ASS1: variants seen among roughly 807,000 people sequenced by gnomAD.
The protein encoded by ASS1 is argininosuccinate synthase 1.
Under a neutral mutation model 60.5 loss-of-function variants are expected in ASS1, and 58 were observed. That is an observed-to-expected ratio of 0.96 (90% CI 0.78 to 1.19). The LOEUF (loss-of-function observed/expected upper bound fraction) is 1.19. ASS1 is among the 50% of genes most tolerant of loss of function. The pLI is 0.00. For synonymous variants in ASS1, 200 were observed against 206.9 expected (o/e 0.97, Z 0.29); for missense variants, 454 against 547.3 (o/e 0.83, Z 1.70).
At chr9:130,467,182 C>G (rs772455968) in intron 6 of ASS1, among the ~76,000 whole-genome samples, 2 of 151,908 alleles carry the variant, frequency 1.3e-5, no homozygotes, top group East Asian at 3.9e-4. Flanking sequence ...GATGGCCGGC[C>G]GGGGGGATGT....
intron 6 of ASS1, among the ~76,000 whole-genome samples, chr9:130,469,600 T>G (rs1416757273): frequency 6.6e-6 from 1 of 152,028 alleles, no homozygotes; most frequent in Non-Finnish European, 1.5e-5. Context: ...TTAGTAGAGA[T>G]AAGGTTTTAC....
At chr9:130,499,979 G>A (rs1321984896) in intron 14 of ASS1, among the ~76,000 whole-genome samples, 1 of 152,198 alleles carries the variant, frequency 6.6e-6, no homozygotes. Flanking sequence ...AGCCATCCTA[G>A]CCACGTGGAT....
rs180768713 is a variant in ASS1, at chr9:130,467,249, G to A, written c.495+450G>A. Among the ~76,000 whole-genome samples, 4 of 152,284 alleles carry A rather than the reference G, an allele frequency of 2.6e-5. No homozygotes were observed. In the East Asian group the frequency reaches 7.7e-4, roughly 29 times the overall value. On this transcript the variant is annotated intron_variant, in intron 6 of 14. Transcript: ENST00000352480. Reference sequence around the variant, plus strand: ...ACTAATTGCCCCTAGCGCTTTCCCCGGGAACAGGTAGGCGCTCCAAGGGAC... The same window carrying A: ...ACTAATTGCCCCTAGCGCTTTCCCCAGGAACAGGTAGGCGCTCCAAGGGAC...
chr9:130,445,381 G>GT (rs1845172145), intron 1 of ASS1, among the ~76,000 whole-genome samples: 1 of 152,230 alleles, frequency 6.6e-6, no homozygotes, highest in Admixed American at 6.5e-5. Context: ...TCCGGAGCGT[G>GT]TGGGGGGGCT....
At position 130,478,376 on chromosome 9, in the gene ASS1, G is replaced by A. The variant is rs533653839; in HGVS notation, c.689-1340G>A. Among the ~76,000 whole-genome samples, 5 of 152,316 alleles carry A rather than the reference G, an allele frequency of 3.3e-5. No homozygotes were observed. The highest frequency in any genetic ancestry group is 4.1e-4 in the South Asian group (2 of 4,826). On this transcript the variant is annotated intron_variant, in intron 9 of 14. Coordinates refer to ENST00000352480, the MANE Select transcript of ASS1 (RefSeq NM_054012.4). This position sits in a 1 kb window ranked among gnomAD's most constrained non-coding sequence, Gnocchi z 4.7. ...CTGGAGAGCCGTGAGGGTGGGAGGC[G>A]GGTGGCAGGCTGCGGAGGGTCCTGG...
intron 11 of ASS1, among the ~76,000 whole-genome samples, chr9:130,483,268 C>T (rs936337026): frequency 2.1e-5 from 3 of 145,060 alleles, no homozygotes; most frequent in Non-Finnish European, 3.0e-5. Context: ...GTCCGTATCT[C>T]GGTGTACAAG....
At chr9:130,487,018 G>A (rs1008538522) in intron 11 of ASS1, among the ~76,000 whole-genome samples, 1 of 151,222 alleles carries the variant, frequency 6.6e-6, no homozygotes. Flanking sequence ...CCAGTTGGCT[G>A]GGTGGTATTA....
intron 1 of ASS1, chr9:130,451,929 C>G (rs1049938947): frequency 2.6e-5 from 15 of 574,086 alleles, no homozygotes; most frequent in Non-Finnish European, 4.6e-5. Flanking sequence ...CAGCCGCCTT[C>G]CCTCGATGCT....
chr9:130,455,022 C>T (rs1811631628), intron 3 of ASS1, among the ~76,000 whole-genome samples: 1 of 150,666 alleles, frequency 6.6e-6, no homozygotes, highest in Admixed American at 6.6e-5. Context: ...ACCCATCATC[C>T]ATCCATCCAT....
At chr9:130,499,441 C>G (rs1376327288) in intron 13 of ASS1, 64 bp from the exon 14 acceptor site, 11 of 1,545,412 alleles carry the variant, frequency 7.1e-6, no homozygotes, top group Admixed American at 5.3e-5. Flanking sequence ...CTGGCCCCAG[C>G]AGTCCTCCCT....
intron 1 of ASS1, among the ~76,000 whole-genome samples, chr9:130,449,628 G>A (rs959002719): frequency 3.3e-5 from 5 of 152,062 alleles, no homozygotes; most frequent in African/African-American, 9.7e-5. Context: ...TTAAGGAGCC[G>A]AGCTGATCTG....
At position 130,470,979 on chromosome 9, in the gene ASS1, G is replaced by A. The variant is rs549088378; in HGVS notation, c.566+75G>A. On this transcript the variant is annotated intron_variant, in intron 7 of 14. Coordinates refer to ENST00000352480, the MANE Select transcript of ASS1 (RefSeq NM_054012.4). This position sits in a 1 kb window ranked among gnomAD's most constrained non-coding sequence, Gnocchi z 4.3. ...GGACGGCCACGCGCTGCCCCAGGAC[G>A]TCCTGGTGACCCCCACACCAGTGGT... 7.8e-6 allele frequency: 12 copies of A among 1,537,578 alleles called. No homozygotes were observed. Among genetic ancestry groups the A allele is most frequent in the Middle Eastern group, 2.2e-4 (1 of 4,556 alleles).
Position 130,480,432 on chromosome 9 carries a change from T to C in ASS1, c.821T>C (p.Ile274Thr). 1 of 1,614,118 alleles carries C rather than the reference T, an allele frequency of 6.2e-7. No homozygotes were observed. The highest frequency in any genetic ancestry group is 8.5e-7 in the Non-Finnish European group (1 of 1,180,020). The change falls in exon 11 of 15, where the codon ATT (isoleucine) becomes ACT (threonine). Residue 274 changes from isoleucine to threonine, a missense_variant. By Grantham distance (89) the Ile-to-Thr change is moderately conservative. Transcript: ENST00000352480. ...ATTGACATCGTGGAGAACCGCTTCA[T>C]TGGAATGAAGTCCCGAGGTGAGTCT... is the stretch of plus-strand genomic sequence containing the variant. ...GRIDIVENRFIGMKSRGIYET... is the reference protein window; with the variant it reads ...GRIDIVENRFTGMKSRGIYET...
At chr9:130,500,045 C>T (rs1350929292) in intron 14 of ASS1, among the ~76,000 whole-genome samples, 1 of 152,172 alleles carries the variant, frequency 6.6e-6, no homozygotes, top group African/African-American at 2.4e-5. Flanking sequence ...ACCTTTGATC[C>T]TCTGTGAGTC....
At chr9:130,480,621 C>T (rs559559213) in intron 11 of ASS1, among the ~76,000 whole-genome samples, 172 bp downstream of exon 11, 4 of 152,374 alleles carry the variant, frequency 2.6e-5, no homozygotes, top group East Asian at 3.9e-4. Context: ...AAGTGGGGAT[C>T]GTGGGCCCTT....
chr9:130,467,401 T>C (rs1224657278), intron 6 of ASS1, among the ~76,000 whole-genome samples: 2 of 152,188 alleles, frequency 1.3e-5, no homozygotes, highest in African/African-American at 4.8e-5. Flanking sequence ...AGCGACTCGA[T>C]GGCAGCCCTT....
chr9:130,457,678 C>T (rs1292287994), intron 3 of ASS1, among the ~76,000 whole-genome samples: 4 of 152,070 alleles, frequency 2.6e-5, no homozygotes, highest in African/African-American at 4.8e-5. Flanking sequence ...CCACCCCCCA[C>T]CTGGTAGTTG....
At chr9:130,446,528 GAAT>G (rs1005772314) in intron 1 of ASS1, among the ~76,000 whole-genome samples, 7 of 152,174 alleles carry the variant, frequency 4.6e-5, no homozygotes, top group Non-Finnish European at 1.0e-4. Flanking sequence ...TCAAGTGAAT[GAAT>G]AGTGACTCCT....
intron 6 of ASS1, among the ~76,000 whole-genome samples, chr9:130,468,003 A>G (rs1318489877): frequency 6.6e-6 from 1 of 152,122 alleles, no homozygotes; most frequent in African/African-American, 2.4e-5. Context: ...TTCCATCCCA[A>G]ATAACCTTTT....
Sources: allele counts gnomAD v4.1 joint callset (sites outside exome capture counted in the v4.1 genomes callset), GRCh38; gene constraint gnomAD v4.1.1; non-coding constraint Gnocchi (gnomAD v3.1); transcripts MANE v1.5; gene names NCBI Gene and HGNC (gene_info 2026-07-23, HGNC 2026-07-21).